GPHN: variants seen among roughly 807,000 people sequenced by gnomAD.
GPHN encodes gephyrin.
In GPHN, 17 loss-of-function variants were observed where a neutral mutation model predicts 95.5. That is an observed-to-expected ratio of 0.18 (90% CI 0.12 to 0.27). The LOEUF is 0.27. Ranked by LOEUF, GPHN falls within the 10% of genes least tolerant of loss-of-function variation. The probability of loss-of-function intolerance (pLI) is 1.00; values close to 1 mark genes in which losing one functional copy is unlikely to be tolerated. For synonymous variants in GPHN, 320 were observed against 322.5 expected (o/e 0.99, Z 0.08); for missense variants, 660 against 978.1 (o/e 0.67, Z 4.34).
At chr14:66,948,408 A>G (rs1376851306) in intron 8 of GPHN, among the ~76,000 whole-genome samples, 1 of 152,162 alleles carries the variant, frequency 6.6e-6, no homozygotes. Context: ...AATATGAATC[A>G]TGAATTTTTG....
intron 19 of GPHN, among the ~76,000 whole-genome samples, chr14:67,164,533 G>T (rs189722556): frequency 5.9e-5 from 9 of 151,458 alleles, no homozygotes; most frequent in African/African-American, 1.2e-4. Flanking sequence ...TTGCTCTGTC[G>T]CCCAGGCTGG....
the GPHN span, among the ~76,000 whole-genome samples, chr14:67,699,879 C>T: frequency 1.3e-5 from 2 of 152,148 alleles, no homozygotes; most frequent in Non-Finnish European, 2.9e-5. Context: ...CGGTGGCTCA[C>T]GCCTGTACTT....
chr14:66,725,690 G>C (rs1043478570), intron 2 of GPHN, among the ~76,000 whole-genome samples: 2 of 152,176 alleles, frequency 1.3e-5, no homozygotes, highest in South Asian at 2.1e-4. Context: ...TACCATGTTG[G>C]TCAAGCTGGT....
In GPHN at chr14:66,877,425, T is replaced by C. The variant is rs568769654; in HGVS notation, c.295-2514T>C. Among the ~76,000 whole-genome samples the C allele has an allele frequency of 7.2e-5, 11 of 152,274 alleles. No individual in the cohort carries two copies. The East Asian group carries it at 1.9e-3, about 27-fold the overall frequency. On this transcript the variant is annotated intron_variant, in intron 4 of 22. Coordinates refer to ENST00000478722, the MANE Select transcript of GPHN (RefSeq NM_020806.5). ...GAGAAAGAAATAAAGGGTATTCAAA[T>C]AAGAAGAGAGGAAGTCAAATTGTCT... is the stretch of plus-strand genomic sequence containing the variant.
chr14:67,629,899 A>G, the GPHN span, among the ~76,000 whole-genome samples: 3 of 152,240 alleles, frequency 2.0e-5, no homozygotes, highest in Non-Finnish European at 2.9e-5. Context: ...ATTCTTACAG[A>G]AAGTCCACTT....
the GPHN span, among the ~76,000 whole-genome samples, chr14:67,722,916 T>C: frequency 1.2e-4 from 19 of 152,298 alleles, no homozygotes; most frequent in Non-Finnish European, 1.0e-4. Context: ...GGGGCTGAGT[T>C]CTGGCCCCAC....
intron 2 of GPHN, among the ~76,000 whole-genome samples, chr14:66,703,519 G>C (rs899637149): frequency 7.2e-5 from 11 of 151,898 alleles, no homozygotes; most frequent in African/African-American, 2.4e-4. Context: ...AATTTTAAAC[G>C]CAGAATTTCA....
At chr14:66,606,270 T>G (rs1213398720) in intron 1 of GPHN, among the ~76,000 whole-genome samples, 2 of 152,140 alleles carry the variant, frequency 1.3e-5, no homozygotes, top group Non-Finnish European at 2.9e-5. Context: ...ATTGCTTCCT[T>G]TTGTTGACTT....
At chr14:67,725,234 T>C in the GPHN span, 1 of 1,613,516 alleles carries the variant, frequency 6.2e-7, no homozygotes, top group Admixed American at 1.7e-5. Flanking sequence ...ATCCGAGCCT[T>C]TGCTGAGGGC....
chr14:67,072,028 T>C (rs927827711), intron 11 of GPHN, among the ~76,000 whole-genome samples: 2 of 152,144 alleles, frequency 1.3e-5, no homozygotes, highest in African/African-American at 4.8e-5. Context: ...TTTCCATTAT[T>C]TATAGGTACC....
At chr14:67,364,752 T>C in the GPHN span, 3 of 1,604,998 alleles carry the variant, frequency 1.9e-6, no homozygotes, top group Non-Finnish European at 2.6e-6. Flanking sequence ...CTTAATTCTT[T>C]TGTTTAAATT....
At chr14:66,642,950 A>G (rs530609288) in intron 1 of GPHN, among the ~76,000 whole-genome samples, 265 of 151,964 alleles carry the variant, frequency 1.7e-3, no homozygotes, top group African/African-American at 5.1e-3. Context: ...TCTTAATAAT[A>G]GGAAAAATTG....
chr14:67,692,657 A>C, the GPHN span: 3 of 1,499,712 alleles, frequency 2.0e-6, no homozygotes, highest in Non-Finnish European at 2.7e-6. Context: ...TATAAATCTA[A>C]TGTTATTTCC....
the GPHN span, among the ~76,000 whole-genome samples, chr14:67,652,789 A>C: frequency 2.0e-5 from 3 of 152,190 alleles, no homozygotes; most frequent in Non-Finnish European, 1.5e-5. Context: ...TCAAGATTTT[A>C]CAAATATATT....
chr14:67,013,453 A>C (rs939385331), intron 9 of GPHN, among the ~76,000 whole-genome samples: 1 of 152,074 alleles, frequency 6.6e-6, no homozygotes, highest in East Asian at 1.9e-4. Context: ...GTTATATATT[A>C]TATTATTAAA....
At chr14:67,559,765 C>A in the GPHN span, 3 of 940,136 alleles carry the variant, frequency 3.2e-6, no homozygotes, top group South Asian at 2.8e-5. Context: ...AGTTTCCTGC[C>A]CCCTACTGTC....
chr14:66,924,013 A>G (rs1450903733), intron 7 of GPHN, among the ~76,000 whole-genome samples, 181 bp from the exon 8 acceptor site: 10 of 152,112 alleles, frequency 6.6e-5, no homozygotes, highest in East Asian at 5.8e-4. Context: ...ATAAATTTCA[A>G]TCTTAGGAGA....
chr14:67,498,974 A>G, the GPHN span, among the ~76,000 whole-genome samples: 4 of 59,146 alleles, frequency 6.8e-5, no homozygotes, highest in Non-Finnish European at 1.7e-4. Context: ...CAGACAAGGC[A>G]ATGGTTTTAT....
At chr14:67,486,651 T>C in the GPHN span, among the ~76,000 whole-genome samples, 5 of 152,182 alleles carry the variant, frequency 3.3e-5, no homozygotes, top group African/African-American at 1.2e-4. Flanking sequence ...ATATGTGACT[T>C]GCTTCCCCTT....
Sources: allele counts gnomAD v4.1 joint callset (sites outside exome capture counted in the v4.1 genomes callset), GRCh38; gene constraint gnomAD v4.1.1; transcripts MANE v1.5; gene names NCBI Gene and HGNC (gene_info 2026-07-23, HGNC 2026-07-21).